Variants in PPL observed in about 807,000 individuals in gnomAD.
The protein encoded by PPL is 190 kDa paraneoplastic pemphigus antigen.
PPL carries 198 observed loss-of-function variants against 194.4 expected under a neutral mutation model. The observed-to-expected ratio is 1.02, with a 90% CI of 0.91 to 1.15. The LOEUF (loss-of-function observed/expected upper bound fraction) is 1.15, where lower values mean the gene tolerates loss of function less well. PPL is among the 50% of genes most tolerant of loss of function. PPL has a pLI of 0.00. For missense variants in PPL, 2,885 were observed against 2,294.8 expected, an observed-to-expected ratio of 1.26 and a Z score of -5.25; for synonymous variants, 1,220 against 972.4, an observed-to-expected ratio of 1.25 and a Z score of -4.74.
chr16:4,888,278 G>A (rs2088251363), intron 19 of PPL, 60 bp from the exon 20 acceptor site: 28 of 1,267,176 alleles, frequency 2.2e-5, no homozygotes, highest in South Asian at 2.2e-4. Flanking sequence ...AGACAGACAT[G>A]TTCCTGTACC....
chr16:4,889,241 G>GTTGTTTTTTTTTTT (rs2088274147), intron 18 of PPL, among the ~76,000 whole-genome samples, 180 bp from the exon 19 acceptor site: 1 of 66,636 alleles, frequency 1.5e-5, no homozygotes, highest in Non-Finnish European at 2.5e-5. Context: ...TGTTGTTGTT[G>GTTGTTTTTTTTTTT]TTTTTTTTTT....
intron 1 of PPL, among the ~76,000 whole-genome samples, chr16:4,929,014 A>T (rs2089194523): frequency 7.2e-4 from 1 of 1,386 alleles, no homozygotes; most frequent in South Asian, 0.031. Flanking sequence ...ACTCTACCTT[A>T]AAAAAAAAAA....
intron 1 of PPL, among the ~76,000 whole-genome samples, chr16:4,912,939 A>T (rs916214175): frequency 6.6e-6 from 1 of 152,106 alleles, no homozygotes; most frequent in Non-Finnish European, 1.5e-5. Context: ...CCCCATCTCT[A>T]CTAAAAATAC....
chr16:4,911,808 G>A (rs376145836), intron 1 of PPL, among the ~76,000 whole-genome samples: 3 of 152,186 alleles, frequency 2.0e-5, no homozygotes, highest in East Asian at 3.9e-4. Flanking sequence ...AAAGTGCTGG[G>A]ATTACAGATG....
intron 1 of PPL, among the ~76,000 whole-genome samples, chr16:4,928,008 A>T (rs892051245): frequency 6.6e-6 from 1 of 152,230 alleles, no homozygotes; most frequent in African/African-American, 2.4e-5. Flanking sequence ...CAGGAGGCTG[A>T]GGTGGGAGGA....
chr16:4,893,447 C>T (rs1310624966), intron 13 of PPL, 77 bp from the exon 14 acceptor site: 39 of 1,587,822 alleles, frequency 2.5e-5, no homozygotes, highest in Non-Finnish European at 3.3e-5. Context: ...CCTAGGCAGC[C>T]AGCCCCCCGC....
At chr16:4,916,905 G>A (rs549466848) in intron 1 of PPL, among the ~76,000 whole-genome samples, 2 of 152,186 alleles carry the variant, frequency 1.3e-5, no homozygotes, top group East Asian at 1.9e-4. Flanking sequence ...CGAGGCAGGT[G>A]GATCACCTGA....
intron 6 of PPL, among the ~76,000 whole-genome samples, chr16:4,900,268 G>A (rs1462287614): frequency 6.6e-6 from 1 of 151,990 alleles, no homozygotes; most frequent in Non-Finnish European, 1.5e-5. Context: ...CATCATACTT[G>A]GCACACAGCA....
intron 2 of PPL, among the ~76,000 whole-genome samples, chr16:4,909,249 C>T (rs2088769356): frequency 6.6e-6 from 1 of 152,076 alleles, no homozygotes; most frequent in Non-Finnish European, 1.5e-5. Flanking sequence ...CACCTACCCG[C>T]TTGGGTCTCT....
intron 1 of PPL, among the ~76,000 whole-genome samples, chr16:4,913,708 CTGT>C (rs1454060259): frequency 2.0e-5 from 3 of 152,176 alleles, no homozygotes; most frequent in African/African-American, 4.8e-5. Flanking sequence ...CAGCCTCCTT[CTGT>C]TGTTTTCTTT....
chr16:4,894,698 C>T, intron 11 of PPL, 80 bp from the exon 12 acceptor site: 1 of 1,519,510 alleles, frequency 6.6e-7, no homozygotes, highest in Admixed American at 1.9e-5. Context: ...CAGCCCCCGA[C>T]TCTTGGACCT....
At chr16:4,932,068 G>C (rs552081864) in intron 1 of PPL, among the ~76,000 whole-genome samples, 3 of 152,326 alleles carry the variant, frequency 2.0e-5, no homozygotes, top group African/African-American at 4.8e-5. Flanking sequence ...GCCAGATCCA[G>C]GTACGAGTGG....
rs869094472 is a variant in PPL at position 4,889,241 on chromosome 16, GTTTTTTTTTTTTTTT to G, written c.2314-195_2314-181del. On this transcript the variant is annotated intron_variant, in intron 18 of 21. Coordinates refer to ENST00000345988, the MANE Select transcript of PPL (RefSeq NM_002705.5). ...AAAAGGCAGTTTTTTTGTTGTTGTT[GTTTTTTTTTTTTTTT>G]TTTTTTTTTTTTTTTTTTGAGACAG... Among the ~76,000 whole-genome samples, 201 of 66,634 alleles carry G rather than the reference GTTTTTTTTTTTTTTT, an allele frequency of 3.0e-3. 6 individuals carry two copies. The highest frequency in any genetic ancestry group is 0.013 in the African/African-American group (173 of 13,168). The allele number at this position is 66,634 out of a possible 152,430, so 43.7% of individuals were successfully genotyped here. A position where few individuals can be genotyped will look rare whatever the true frequency, so the allele number is the denominator to read the frequency against.
At chr16:4,912,914 G>A (rs755832570) in intron 1 of PPL, among the ~76,000 whole-genome samples, 20 of 152,254 alleles carry the variant, frequency 1.3e-4, no homozygotes, top group African/African-American at 2.4e-4. Flanking sequence ...GACCAGCCTG[G>A]CCAACATGGT....
intron 1 of PPL, among the ~76,000 whole-genome samples, chr16:4,912,694 C>T (rs987560922): frequency 6.6e-6 from 1 of 152,246 alleles, no homozygotes; most frequent in East Asian, 1.9e-4. Context: ...TTCATGGGAA[C>T]GCAGTGGCAC....
In PPL at chr16:4,883,933, G is replaced by A. The variant is rs765634212; in HGVS notation, c.4722C>T (p.Asn1574=). The A allele has an allele frequency of 6.2e-7, 1 of 1,614,020 alleles. No individual in the cohort carries two copies. Among genetic ancestry groups the A allele is most frequent in the Non-Finnish European group, 8.5e-7 (1 of 1,180,010 alleles). ...ENHKLQLERQ[N]LQLETRRLQS... ...GGAGCCTTCGGGTCTCCAGCTGCAG[G>A]TTTTGCCTCTCCAGCTGTAATTTGT... is the stretch of plus-strand genomic sequence containing the variant. Residue 1574 remains asparagine, a synonymous_variant, in exon 22 of 22, where the codon AAC becomes AAT. Transcript: ENST00000345988. This position sits in a 1 kb window ranked among gnomAD's most constrained non-coding sequence, Gnocchi z 4.8.
chr16:4,909,758 T>G (rs1165402263), intron 2 of PPL, among the ~76,000 whole-genome samples: 1 of 152,158 alleles, frequency 6.6e-6, no homozygotes, highest in Non-Finnish European at 1.5e-5. Context: ...CGCCCCTGCA[T>G]AGGGATGCCA....
rs1397608906 is a variant in PPL at position 4,884,203 on chromosome 16, C to T, written c.4452G>A (p.Arg1484=). The change falls in exon 22 of 22, where the codon CGG becomes CGA. Residue 1484 remains arginine (R), a synonymous_variant. Transcript: ENST00000345988. The surrounding 1 kb of genome is among the most constrained non-coding windows in gnomAD (Gnocchi z 5.7). ...QLLEGELETL[R]RKLAALEKAE... ...CCTTCTCCAGTGCAGCCAGTTTCCTCCGGAGGGTCTCGAGCTCCCCCTCCA... is the reference window on the plus strand; with the variant it reads ...CCTTCTCCAGTGCAGCCAGTTTCCTTCGGAGGGTCTCGAGCTCCCCCTCCA... 8 of 1,614,006 alleles carry T rather than the reference C, an allele frequency of 5.0e-6. No individual in the cohort carries two copies. The highest frequency in any genetic ancestry group is 6.8e-6 in the Non-Finnish European group (8 of 1,180,024).
At position 4,891,744 on chromosome 16, in the gene PPL, G is replaced by A. The variant is rs1324574804; in HGVS notation, c.1968+67C>T. ...GGTGTCCTCATCTATCCAGACGGGC[G>A]GGTGGATGTGCCAGATGCTCTCACC... On this transcript the variant is annotated intron_variant, in intron 16 of 21. Transcript: ENST00000345988. 1.7e-5 allele frequency: 26 copies of A among 1,525,980 alleles called. No individual in the cohort carries two copies. In the East Asian group the frequency reaches 3.6e-4, roughly 21 times the overall value. 94.5% of individuals were successfully genotyped at this position (1,525,980 alleles called of 1,614,324 possible).
Sources: gnomAD v4.1 joint callset for allele counts (sites outside exome capture counted in the v4.1 genomes callset) on GRCh38, gnomAD v4.1.1 for gene constraint, Gnocchi (gnomAD v3.1) non-coding constraint, MANE v1.5 for transcripts, NCBI Gene and HGNC (gene_info 2026-07-23, HGNC 2026-07-21) for gene names.